The following SH3BP1 variants were observed in gnomAD, a reference collection of about 807,000 sequenced individuals.
The protein encoded by SH3BP1 is SH3 domain binding protein 1.
In SH3BP1, 46 loss-of-function variants were observed where a neutral mutation model predicts 69.8. The ratio of observed to expected loss-of-function variants is 0.66; its 90% CI spans 0.52 to 0.84. The LOEUF is 0.84. Among genes scored for constraint, SH3BP1 ranks in the 40% least tolerant of loss-of-function variants. The probability of loss-of-function intolerance (pLI) is 0.00; values close to 1 mark genes in which losing one functional copy is unlikely to be tolerated. For missense variants in SH3BP1, 868 were observed against 930.9 expected, an observed-to-expected ratio of 0.93 and a Z score of 0.88; for synonymous variants, 403 against 378.0, an observed-to-expected ratio of 1.07 and a Z score of -0.77.
rs1932794852 is a variant in SH3BP1 at position 37,646,907 on chromosome 22, C to T, written c.1014C>T (p.Cys338=). 2.6e-6 allele frequency: 4 copies of T among 1,556,938 alleles called. No individual in the cohort carries two copies. The South Asian group carries it at 3.5e-5, about 14-fold the overall frequency. The change falls in exon 11 of 18, where the codon TGC becomes TGT. Residue 338 remains cysteine (C), a synonymous_variant. Coordinates refer to ENST00000649765, the MANE Select transcript of SH3BP1 (RefSeq NM_018957.6). ...ASDPHSLEEF[C]SDPHAVAGAL... ...ACCCCCACAGCCTGGAGGAGTTCTGCTCCGACCCGCACGCTGTGGCAGGTG... is the reference window on the plus strand; with the variant it reads ...ACCCCCACAGCCTGGAGGAGTTCTGTTCCGACCCGCACGCTGTGGCAGGTG...
intron 4 of SH3BP1, 35 bp downstream of exon 4, chr22:37,642,650 A>G: frequency 3.1e-6 from 5 of 1,612,880 alleles, no homozygotes; most frequent in Non-Finnish European, 4.2e-6. Flanking sequence ...TCACCTGGGG[A>G]TACCAAGACG....
chr22:37,652,900 C>T (rs1167370872), intron 16 of SH3BP1, among the ~76,000 whole-genome samples: 2 of 151,120 alleles, frequency 1.3e-5, no homozygotes, highest in Non-Finnish European at 1.5e-5. Flanking sequence ...CTTTGGGAGG[C>T]TGAAGCAGGT....
chr22:37,645,299 G>T, intron 9 of SH3BP1, 66 bp from the exon 10 acceptor site: 2 of 1,544,912 alleles, frequency 1.3e-6, no homozygotes, highest in Non-Finnish European at 1.8e-6. Flanking sequence ...CATGAAGGGG[G>T]GGTGCCCCTG....
intron 17 of SH3BP1, 76 bp downstream of exon 17, chr22:37,653,949 A>G: frequency 9.1e-7 from 1 of 1,102,336 alleles, no homozygotes; most frequent in Non-Finnish European, 1.3e-6. Flanking sequence ...AGGTCCTCCT[A>G]TCTTTTTAGG....
At chr22:37,647,223 G>A in intron 11 of SH3BP1, 44 bp from the exon 12 acceptor site, 1 of 1,534,952 alleles carries the variant, frequency 6.5e-7, no homozygotes, top group Non-Finnish European at 9.0e-7. Context: ...GAGTGGGAGA[G>A]CGGGTGGGGG....
At position 37,644,893 on chromosome 22, in the gene SH3BP1, C is replaced by G; in HGVS notation, c.711C>G (p.Tyr237Ter). 1 of 1,614,038 alleles carries G rather than the reference C, an allele frequency of 6.2e-7. No homozygotes were observed. Among genetic ancestry groups the G allele is most frequent in the Non-Finnish European group, 8.5e-7 (1 of 1,180,020 alleles). The change falls in exon 9 of 18, where the codon TAC (tyrosine) becomes TAG (stop). Residue 237 changes from tyrosine (Y) to a stop codon, truncating the protein, a stop_gained. Transcript: ENST00000649765. LOFTEE classifies it high-confidence loss of function. ...AGCTCCTGGAGATTCAGGCCGATTA[C>G]CATCGCAGGTCACTGAGCTCGCTGG... is the stretch of plus-strand genomic sequence containing the variant. The part of the protein sequence containing the change: ...FIRLLEIQAD[Y>*]HRRSLSSLDT...
intron 10 of SH3BP1, 28 bp from the exon 11 acceptor site, chr22:37,646,790 A>T (rs1932792304): frequency 1.4e-6 from 2 of 1,428,988 alleles, no homozygotes; most frequent in Non-Finnish European, 1.9e-6. Flanking sequence ...CCCCTCTGTG[A>T]CCCTTGCCTG....
intron 17 of SH3BP1, among the ~76,000 whole-genome samples, chr22:37,654,341 C>T (rs1932955189): frequency 1.3e-5 from 2 of 151,988 alleles, no homozygotes; most frequent in African/African-American, 2.4e-5. Flanking sequence ...GAGGCTGAGG[C>T]GGGTGGATCA....
At position 37,655,882 on chromosome 22, in the gene SH3BP1, C is replaced by G. The variant is rs1326685838; in HGVS notation, c.*198C>G. 6.5e-7 allele frequency: 1 copy of G among 1,549,124 alleles called. No individual in the cohort carries two copies. The highest frequency in any genetic ancestry group is 1.2e-5 in the South Asian group (1 of 85,248). ...TTTCCTGACCTTTTCCTCGTCCACCCTGGGCTTGGGGACCCCCCCACCGGA... is the reference window on the plus strand; with the variant it reads ...TTTCCTGACCTTTTCCTCGTCCACCGTGGGCTTGGGGACCCCCCCACCGGA... On this transcript the variant is annotated 3_prime_UTR_variant, in exon 18 of 18. Transcript: ENST00000649765.
At position 37,644,929 on chromosome 22, in the gene SH3BP1, G is replaced by A. The variant is rs1209909400; in HGVS notation, c.747G>A (p.Leu249=). The A allele has an allele frequency of 6.2e-7, 1 of 1,614,024 alleles. No homozygotes were observed. The highest frequency in any genetic ancestry group is 1.7e-5 in the Admixed American group (1 of 60,018). The stretch of plus-strand genomic sequence containing the variant: ...CACTGAGCTCGCTGGACACAGCCCT[G>A]GCTGAGCTGAGGGAGAACCACGGCC... ...RRSLSSLDTA[L]AELRENHGQA... is the part of the protein sequence containing the mutation. Residue 249 remains leucine, a synonymous_variant, in exon 9 of 18, where the codon CTG becomes CTA. Transcript: ENST00000649765.
rs777694801 is a variant in SH3BP1 at position 37,641,109 on chromosome 22, CCCA to C, written c.60-12_60-10del. On this transcript the variant is annotated splice_polypyrimidine_tract_variant and intron_variant, in intron 1 of 17. Coordinates refer to ENST00000649765, the MANE Select transcript of SH3BP1 (RefSeq NM_018957.6). The stretch of plus-strand genomic sequence containing the variant: ...CAGCAGAAGCACTCTCCCCCCCCCC[CCCA>C]CCACTCCCCGCAGCACCCCGGAGAC... 37 of 1,390,732 alleles carry C rather than the reference CCCA, an allele frequency of 2.7e-5. No homozygotes were observed. Among genetic ancestry groups the C allele is most frequent in the African/African-American group, 2.6e-4 (18 of 68,062 alleles). The allele number at this position is 1,390,732 out of a possible 1,614,324, so 86.1% of individuals were successfully genotyped here. A position where few individuals can be genotyped will look rare whatever the true frequency, so the allele number is the denominator to read the frequency against.
At chr22:37,643,272 G>T in intron 6 of SH3BP1, 98 bp downstream of exon 6, 3 of 1,089,186 alleles carry the variant, frequency 2.8e-6, no homozygotes, top group South Asian at 1.3e-5. Context: ...GGATGCTGTG[G>T]GGTCTGCTGA....
Position 37,655,822 on chromosome 22 carries a change from C to T in SH3BP1, c.*138C>T. Reference sequence around the variant, plus strand: ...AGTGCCTCAGTGCCCACTGGGTCGGCCCCCATGGCCAGGAGGGCTCAGGAC... The same window carrying T: ...AGTGCCTCAGTGCCCACTGGGTCGGTCCCCATGGCCAGGAGGGCTCAGGAC... On this transcript the variant is annotated 3_prime_UTR_variant, in exon 18 of 18. Transcript: ENST00000649765. 1 of 1,467,418 alleles carries T rather than the reference C, an allele frequency of 6.8e-7. No individual in the cohort carries two copies. The highest frequency in any genetic ancestry group is 1.4e-5 in the South Asian group (1 of 71,562). 90.9% of individuals were successfully genotyped at this position (1,467,418 alleles called of 1,614,324 possible). A position where few individuals can be genotyped will look rare whatever the true frequency, so the allele number is the denominator to read the frequency against.
rs750758422 is a variant in SH3BP1 at position 37,655,479 on chromosome 22, A to G, written c.1901A>G (p.Gln634Arg). ...PPTPPQPARR[Q>R]SRRSPASPSP... ...ACACCCCCTCAGCCTGCCCGGCGCC[A>G]AAGCCGGCGTTCACCAGCCTCCCCC... The change falls in exon 18 of 18, where the codon CAA becomes CGA. Residue 634 changes from glutamine to arginine, a missense_variant. This residue lies in a region of SH3BP1 where 474 missense variants were observed against 462.3 expected (regional missense o/e 1.03). Coordinates refer to ENST00000649765, the MANE Select transcript of SH3BP1 (RefSeq NM_018957.6). 2.0e-6 allele frequency: 2 copies of G among 988,018 alleles called. No homozygotes were observed. Among genetic ancestry groups the G allele is most frequent in the East Asian group, 1.5e-4 (2 of 13,390 alleles). 61.2% of individuals were successfully genotyped at this position (988,018 alleles called of 1,614,324 possible). A position where few individuals can be genotyped will look rare whatever the true frequency, so the allele number is the denominator to read the frequency against.
In SH3BP1 at chr22:37,656,090, A is replaced by G. The variant is rs766297067; in HGVS notation, c.*406A>G. 28 of 1,283,088 alleles carry G rather than the reference A, an allele frequency of 2.2e-5. No homozygotes were observed. The highest frequency in any genetic ancestry group is 1.0e-6 in the Non-Finnish European group (1 of 978,240). 79.5% of individuals were successfully genotyped at this position (1,283,088 alleles called of 1,614,324 possible). On this transcript the variant is annotated 3_prime_UTR_variant, in exon 18 of 18. Transcript: ENST00000649765. ...TTATTTTCTGTCCTTGAAATAAAGA[A>G]GCCAATTTTATAAAGGGGAAAACAA...
Position 37,641,446 on chromosome 22 carries a change from G to A in SH3BP1, c.175G>A (p.Gly59Ser). ...CAAGCGGCTGCAGGCCTGTCTGCAG[G>A]GCCAGAGCGGGGCAGACATGGACAA... ...IHKRLQACLQ[G>S]QSGADMDKRV... The change falls in exon 3 of 18, where the codon GGC (glycine) becomes AGC (serine). Residue 59 changes from glycine (G) to serine (S), a missense_variant. Coordinates refer to ENST00000649765, the MANE Select transcript of SH3BP1 (RefSeq NM_018957.6). 1 of 1,551,170 alleles carries A rather than the reference G, an allele frequency of 6.4e-7. No homozygotes were observed. Among genetic ancestry groups the A allele is most frequent in the Non-Finnish European group, 8.7e-7 (1 of 1,147,144 alleles).
chr22:37,644,211 C>T (rs1344445301), intron 7 of SH3BP1, among the ~76,000 whole-genome samples: 1 of 152,182 alleles, frequency 6.6e-6, no homozygotes, highest in Admixed American at 6.5e-5. Flanking sequence ...AACCCTGTCT[C>T]TACTAAAAAT....
chr22:37,648,534 T>C (rs1932822716), intron 14 of SH3BP1, 99 bp downstream of exon 14: 2 of 801,526 alleles, frequency 2.5e-6, no homozygotes, highest in African/African-American at 3.4e-5. Flanking sequence ...GTCCCCATTT[T>C]TGGAGTGGGT....
chr22:37,652,107 G>A (rs1354269089), intron 16 of SH3BP1, among the ~76,000 whole-genome samples: 2 of 150,494 alleles, frequency 1.3e-5, no homozygotes, highest in Non-Finnish European at 3.0e-5. Flanking sequence ...AGGCGAGATC[G>A]AGACCATCCT....
Sources: allele counts gnomAD v4.1 joint callset (sites outside exome capture counted in the v4.1 genomes callset), GRCh38; gene constraint gnomAD v4.1.1; regional missense constraint gnomAD v4.1.1; transcripts MANE v1.5; gene names NCBI Gene and HGNC (gene_info 2026-07-23, HGNC 2026-07-21).